Variants in CHRM3 observed in about 807,000 individuals in gnomAD.
CHRM3 encodes muscarinic acetylcholine receptor M3.
CHRM3 carries 11 observed loss-of-function variants against 41.8 expected under a neutral mutation model. The ratio of observed to expected loss-of-function variants is 0.26; its 90% confidence interval spans 0.17 to 0.44. CHRM3 has a LOEUF of 0.44. Ranked by LOEUF, CHRM3 falls within the 20% of genes least tolerant of loss-of-function variation. CHRM3 has a pLI of 1.00. For missense variants in CHRM3, 571 were observed against 745.4 expected, an observed-to-expected ratio of 0.77 and a Z score of 2.72; for synonymous variants, 297 against 301.4, an observed-to-expected ratio of 0.99 and a Z score of 0.15.
intron 3 of CHRM3, among the ~76,000 whole-genome samples, chr1:239,613,351 G>C (rs1362492544): frequency 6.6e-6 from 1 of 152,174 alleles, no homozygotes; most frequent in Non-Finnish European, 1.5e-5. Flanking sequence ...TAACTTCAGA[G>C]CAGCAAACTG....
intron 5 of CHRM3, among the ~76,000 whole-genome samples, chr1:239,773,447 G>C (rs1428682313): frequency 6.6e-6 from 1 of 152,104 alleles, no homozygotes; most frequent in Non-Finnish European, 1.5e-5. Flanking sequence ...CTTAACCCTG[G>C]CATTAAGAGA....
chr1:239,580,728 C>CACAG (rs1662821266), intron 3 of CHRM3, among the ~76,000 whole-genome samples: 10 of 123,744 alleles, frequency 8.1e-5, no homozygotes, highest in African/African-American at 2.5e-4. Context: ...CACACACACA[C>CACAG]ACACAAGTGC....
At chr1:239,541,773 G>A (rs1458071115) in intron 2 of CHRM3, among the ~76,000 whole-genome samples, 1 of 152,096 alleles carries the variant, frequency 6.6e-6, no homozygotes, top group Non-Finnish European at 1.5e-5. Flanking sequence ...TTGGCCTCCC[G>A]AAGTGTTGGG....
chr1:239,753,136 G>T (rs193004308), intron 5 of CHRM3, among the ~76,000 whole-genome samples: 5 of 152,222 alleles, frequency 3.3e-5, no homozygotes, highest in Admixed American at 2.6e-4. Flanking sequence ...ATTATAGCGA[G>T]CACAAAAATC....
intron 5 of CHRM3, among the ~76,000 whole-genome samples, chr1:239,735,956 A>T (rs1572134820): frequency 6.6e-6 from 1 of 152,112 alleles, no homozygotes; most frequent in African/African-American, 2.4e-5. Context: ...ACACTATGGA[A>T]AATAAATTAA....
chr1:239,493,615 A>T (rs1180770380), intron 2 of CHRM3, among the ~76,000 whole-genome samples: 1 of 152,216 alleles, frequency 6.6e-6, no homozygotes, highest in Admixed American at 6.5e-5. Flanking sequence ...AGGCTGATAA[A>T]AGCAAGAGTT....
intron 5 of CHRM3, among the ~76,000 whole-genome samples, chr1:239,680,765 G>A (rs938535128): frequency 6.6e-6 from 1 of 151,738 alleles, no homozygotes; most frequent in African/African-American, 2.4e-5. Context: ...TTCTCCTTCT[G>A]CTCAGACATG....
chr1:239,601,646 CT>C (rs1168641237), intron 3 of CHRM3, among the ~76,000 whole-genome samples: 1 of 152,054 alleles, frequency 6.6e-6, no homozygotes, highest in Non-Finnish European at 1.5e-5. Context: ...AGGAAATACT[CT>C]GACAAACTTT....
chr1:239,902,028 T>C (rs772874110), intron 6 of CHRM3, among the ~76,000 whole-genome samples: 3 of 152,164 alleles, frequency 2.0e-5, no homozygotes, highest in Non-Finnish European at 2.9e-5. Flanking sequence ...CAGTATACCA[T>C]GCATTGATGC....
At chr1:239,595,508 T>C (rs565182474) in intron 3 of CHRM3, among the ~76,000 whole-genome samples, 1 of 152,312 alleles carries the variant, frequency 6.6e-6, no homozygotes, top group South Asian at 2.1e-4. Flanking sequence ...CACAAAATCC[T>C]TGGATTTATT....
chr1:239,652,322 A>C (rs1042236902), intron 4 of CHRM3, among the ~76,000 whole-genome samples: 1 of 152,154 alleles, frequency 6.6e-6, no homozygotes, highest in African/African-American at 2.4e-5. Context: ...TGAGGTTAGA[A>C]ATGTGGGCCT....
chr1:239,423,888 T>C (rs1662148978), intron 1 of CHRM3, among the ~76,000 whole-genome samples: 1 of 151,734 alleles, frequency 6.6e-6, no homozygotes, highest in Admixed American at 6.6e-5. Context: ...ACCCCATCTC[T>C]ACTTGAAATA....
intron 1 of CHRM3, among the ~76,000 whole-genome samples, chr1:239,455,613 A>G (rs1664874236): frequency 6.6e-6 from 1 of 152,314 alleles, no homozygotes; most frequent in Non-Finnish European, 1.5e-5. Context: ...ATGTTTACAG[A>G]TAGAAAAAAG....
intron 3 of CHRM3, among the ~76,000 whole-genome samples, chr1:239,617,838 A>G (rs1376595247): frequency 6.6e-6 from 1 of 152,178 alleles, no homozygotes; most frequent in Admixed American, 6.5e-5. Flanking sequence ...CTTCACACAC[A>G]CATGCTCACA....
intron 1 of CHRM3, among the ~76,000 whole-genome samples, chr1:239,472,085 G>A (rs950352994): frequency 1.3e-5 from 2 of 152,168 alleles, no homozygotes; most frequent in African/African-American, 4.8e-5. Flanking sequence ...GTGATGTCCA[G>A]TATTACTTCA....
At chr1:239,886,683 A>C (rs1678098796) in intron 6 of CHRM3, 1 of 152,208 alleles carries the variant, frequency 6.6e-6, no homozygotes, top group Non-Finnish European at 1.5e-5. Context: ...ATTCATTTCC[A>C]GATCTCTAAT....
intron 3 of CHRM3, among the ~76,000 whole-genome samples, chr1:239,599,901 C>CAAA: frequency 6.6e-6 from 1 of 152,172 alleles, no homozygotes; most frequent in East Asian, 1.9e-4. Context: ...CTATCCTAGT[C>CAAA]AAAAAAATTG....
chr1:239,892,016 G>T (rs1440274664), intron 6 of CHRM3, among the ~76,000 whole-genome samples: 2 of 152,192 alleles, frequency 1.3e-5, no homozygotes, highest in African/African-American at 2.4e-5. Context: ...GAGATGGTCT[G>T]TTCAGTCAAG....
intron 4 of CHRM3, among the ~76,000 whole-genome samples, chr1:239,662,631 A>G (rs2149017659): frequency 6.6e-6 from 1 of 152,336 alleles, no homozygotes; most frequent in Admixed American, 6.5e-5. Flanking sequence ...TACTCAGGAC[A>G]GGTATCCAGA....
Sources: gnomAD v4.1 joint callset for allele counts (sites outside exome capture counted in the v4.1 genomes callset) on GRCh38, gnomAD v4.1.1 for gene constraint, MANE v1.5 for transcripts, NCBI Gene and HGNC (gene_info 2026-07-23, HGNC 2026-07-21) for gene names.